The following PRKAR2B variants were observed in gnomAD, a reference collection of about 807,000 sequenced individuals.
The protein encoded by PRKAR2B is cAMP-dependent protein kinase type II-beta regulatory subunit.
A neutral mutation model predicts 49.9 loss-of-function variants in PRKAR2B; 14 were observed. The ratio of observed to expected loss-of-function variants is 0.28; its 90% confidence interval spans 0.19 to 0.44. The LOEUF is 0.44. PRKAR2B is among the 20% of genes least tolerant of loss of function. The pLI is 1.00. For synonymous variants in PRKAR2B, 196 were observed against 197.7 expected (o/e 0.99, Z 0.07); for missense variants, 393 against 537.9 (o/e 0.73, Z 2.67).
At position 107,142,892 on chromosome 7, in the gene PRKAR2B, A is replaced by T. The variant is rs151097824; in HGVS notation, c.587+1939A>T. Among the ~76,000 whole-genome samples, 807 of 152,126 alleles carry T rather than the reference A, an allele frequency of 5.3e-3. 1 individual carries two copies. Among genetic ancestry groups the T allele is most frequent in the Non-Finnish European group, 7.4e-3 (505 of 68,014 alleles). ...ATTCTCCTGCCTCAGCCTGCGGAGT[A>T]GCTGGGACTACAGGTACCCGCCACC... is the stretch of plus-strand genomic sequence containing the variant. On this transcript the variant is annotated intron_variant, in intron 5 of 10. Coordinates refer to ENST00000265717, the MANE Select transcript of PRKAR2B (RefSeq NM_002736.3).
chr7:107,045,266 AC>A (rs1454927202), intron 1 of PRKAR2B, 52 bp downstream of exon 1: 3 of 1,252,144 alleles, frequency 2.4e-6, no homozygotes, highest in Non-Finnish European at 3.0e-6. Flanking sequence ...GCTGCCCCCC[AC>A]CGCTCCCCGC....
chr7:107,130,471 C>A (rs1795585556), intron 4 of PRKAR2B, among the ~76,000 whole-genome samples: 1 of 151,984 alleles, frequency 6.6e-6, no homozygotes, highest in African/African-American at 2.4e-5. Context: ...CACCACTGCA[C>A]TCCAGCCTGG....
chr7:107,148,406 G>T (rs1393353101), intron 6 of PRKAR2B, among the ~76,000 whole-genome samples: 1 of 152,086 alleles, frequency 6.6e-6, no homozygotes, highest in Non-Finnish European at 1.5e-5. Flanking sequence ...CTTTAATGGG[G>T]TATAAAAGAC....
intron 1 of PRKAR2B, among the ~76,000 whole-genome samples, chr7:107,069,247 T>A (rs1464539258): frequency 6.6e-6 from 1 of 152,226 alleles, no homozygotes; most frequent in Non-Finnish European, 1.5e-5. Context: ...AAGGTGCTGA[T>A]ATTTGATAGC....
chr7:107,147,306 T>A (rs992684831), intron 6 of PRKAR2B, among the ~76,000 whole-genome samples: 2 of 152,088 alleles, frequency 1.3e-5, no homozygotes, highest in Non-Finnish European at 2.9e-5. Flanking sequence ...AGCGAGACTC[T>A]GTCTCAAAAA....
Position 107,045,102 on chromosome 7 carries a change from C to T in PRKAR2B, c.195C>T (p.Ala65=). ...CCTGGGGGGACCTGGGCGCCGCTGC[C>T]GGGGGCGGCACCCCCAGCAAGGGGG... ...GRTWGDLGAA[A]GGGTPSKGVN... is the part of the protein sequence containing the mutation. Residue 65 remains alanine (A), a synonymous_variant, in exon 1 of 11, where the codon GCC becomes GCT. Coordinates refer to ENST00000265717, the MANE Select transcript of PRKAR2B (RefSeq NM_002736.3). The T allele has an allele frequency of 2.6e-6, 4 of 1,528,224 alleles. No individual in the cohort carries two copies. Among genetic ancestry groups the T allele is most frequent in the Non-Finnish European group, 2.6e-6 (3 of 1,140,314 alleles). 94.7% of individuals were successfully genotyped at this position (1,528,224 alleles called of 1,614,324 possible). A position where few individuals can be genotyped will look rare whatever the true frequency, so the allele number is the denominator to read the frequency against.
At chr7:107,081,525 T>C (rs1794514003) in intron 2 of PRKAR2B, among the ~76,000 whole-genome samples, 1 of 151,848 alleles carries the variant, frequency 6.6e-6, no homozygotes, top group Non-Finnish European at 1.5e-5. Context: ...TTGGATAATG[T>C]TTTCTGATAT....
rs184777366 is a variant in PRKAR2B at position 107,154,762 on chromosome 7, A to G, written c.918+1511A>G. 4.0e-3 allele frequency among the ~76,000 whole-genome samples: 615 copies of G among 152,340 alleles called. 15 individuals carry two copies. The highest frequency in any genetic ancestry group is 0.037 in the Admixed American group (562 of 15,304). On this transcript the variant is annotated intron_variant, in intron 8 of 10. Transcript: ENST00000265717. ...TCTGTATTATTATCTTCCATATTGTATTGTTTAATTCAGACTGCATCATTG... is the reference window on the plus strand; with the variant it reads ...TCTGTATTATTATCTTCCATATTGTGTTGTTTAATTCAGACTGCATCATTG...
chr7:107,122,328 G>A (rs922344425), intron 3 of PRKAR2B, among the ~76,000 whole-genome samples: 4 of 152,056 alleles, frequency 2.6e-5, no homozygotes, highest in Admixed American at 6.6e-5. Flanking sequence ...GACCTTCTAC[G>A]CCTATTAATT....
In PRKAR2B at chr7:107,088,351, C is replaced by A. The variant is rs183615164; in HGVS notation, c.343+18035C>A. On this transcript the variant is annotated intron_variant, in intron 2 of 10. Coordinates refer to ENST00000265717, the MANE Select transcript of PRKAR2B (RefSeq NM_002736.3). ...ATTTACATGGTCAGAGAATGCCTCT[C>A]TCAGGAGCTGACATTTCAGCCAAGG... Among the ~76,000 whole-genome samples, 11 of 152,166 alleles carry A rather than the reference C, an allele frequency of 7.2e-5. 1 individual carries two copies. Among genetic ancestry groups the A allele is most frequent in the Admixed American group, 7.2e-4 (11 of 15,284 alleles).
intron 1 of PRKAR2B, among the ~76,000 whole-genome samples, chr7:107,051,270 G>T (rs1185977787): frequency 1.3e-5 from 2 of 152,164 alleles, no homozygotes; most frequent in African/African-American, 4.8e-5. Flanking sequence ...TTTGTCTTCA[G>T]AATTTCCAGG....
chr7:107,149,160 T>G (rs1002462058), intron 6 of PRKAR2B, among the ~76,000 whole-genome samples: 1 of 152,202 alleles, frequency 6.6e-6, no homozygotes, highest in Non-Finnish European at 1.5e-5. Flanking sequence ...CAGAAATCTT[T>G]TTTAATACTA....
chr7:107,053,916 T>C (rs1316765683), intron 1 of PRKAR2B, among the ~76,000 whole-genome samples: 1 of 152,212 alleles, frequency 6.6e-6, no homozygotes, highest in Non-Finnish European at 1.5e-5. Flanking sequence ...GGTTATTTTG[T>C]TAGGAGAGAG....
In PRKAR2B at chr7:107,099,876, C is replaced by T. The variant is rs148657078; in HGVS notation, c.344-22076C>T. On this transcript the variant is annotated intron_variant, in intron 2 of 10. Coordinates refer to ENST00000265717, the MANE Select transcript of PRKAR2B (RefSeq NM_002736.3). ...GTCTTGATCTCCTGACCTCGTGATCCGCCCGCCTTGGCCTCCGTAAGTGTT... is the reference window on the plus strand; with the variant it reads ...GTCTTGATCTCCTGACCTCGTGATCTGCCCGCCTTGGCCTCCGTAAGTGTT... 3.6e-3 allele frequency among the ~76,000 whole-genome samples: 553 copies of T among 152,158 alleles called. 3 individuals are homozygous for T. The highest frequency in any genetic ancestry group is 0.013 in the African/African-American group (523 of 41,514).
intron 1 of PRKAR2B, among the ~76,000 whole-genome samples, chr7:107,046,789 C>G (rs982358136): frequency 1.3e-5 from 2 of 151,966 alleles, no homozygotes; most frequent in South Asian, 2.1e-4. Context: ...GACTCTTTTC[C>G]CAGGTTGGAG....
At chr7:107,119,233 A>G (rs1795344927) in intron 2 of PRKAR2B, among the ~76,000 whole-genome samples, 1 of 152,184 alleles carries the variant, frequency 6.6e-6, no homozygotes, top group Non-Finnish European at 1.5e-5. Context: ...TGTGTAAAAC[A>G]AGTTAATCTT....
chr7:107,157,613 A>G (rs1018467906), intron 10 of PRKAR2B, among the ~76,000 whole-genome samples: 5 of 152,258 alleles, frequency 3.3e-5, no homozygotes, highest in Non-Finnish European at 5.9e-5. Context: ...GAATCTCTCA[A>G]ATAAGCAACA....
chr7:107,151,756 G>A (rs1450708921), intron 7 of PRKAR2B, among the ~76,000 whole-genome samples: 2 of 152,132 alleles, frequency 1.3e-5, no homozygotes, highest in Non-Finnish European at 2.9e-5. Context: ...AGGCTGGCTG[G>A]GCGTTGTGGC....
intron 6 of PRKAR2B, among the ~76,000 whole-genome samples, chr7:107,147,861 A>C (rs1339583013): frequency 6.6e-6 from 1 of 152,250 alleles, no homozygotes; most frequent in Non-Finnish European, 1.5e-5. Flanking sequence ...CTCATTTCCA[A>C]GGACTACTGT....
Sources: gnomAD v4.1 joint callset for allele counts (sites outside exome capture counted in the v4.1 genomes callset) on GRCh38, gnomAD v4.1.1 for gene constraint, MANE v1.5 for transcripts, NCBI Gene and HGNC (gene_info 2026-07-23, HGNC 2026-07-21) for gene names.